The following ZNF723 variants were observed in gnomAD, a reference collection of about 807,000 sequenced individuals.
ZNF723 encodes the protein zinc finger protein 723.
In ZNF723, 5 loss-of-function variants were observed where a neutral mutation model predicts 9.4. That is an observed-to-expected ratio of 0.53 (90% CI 0.28 to 1.12). The LOEUF is 1.12. Ranked by LOEUF, ZNF723 falls within the 50% of genes most tolerant of loss-of-function variation. ZNF723 has a pLI of 0.10. For synonymous variants in ZNF723, 158 were observed against 168.8 expected (o/e 0.94, Z 0.49); for missense variants, 450 against 501.5 (o/e 0.90, Z 0.98).
chr19:22,830,191 A>G (rs2145200120), upstream of ZNF723, among the ~76,000 whole-genome samples: 1 of 152,258 alleles, frequency 6.6e-6, no homozygotes, highest in South Asian at 2.1e-4. Flanking sequence ...TTTTTGAGAC[A>G]GTGTCTCACT....
At chr19:22,820,593 C>T in the ZNF723 span, among the ~76,000 whole-genome samples, 2 of 152,018 alleles carry the variant, frequency 1.3e-5, no homozygotes, top group African/African-American at 4.8e-5. Context: ...TACCTCAAAC[C>T]ATCCAATAAG....
intron 1 of ZNF723, among the ~76,000 whole-genome samples, chr19:22,842,430 C>T (rs1967259783): frequency 6.6e-6 from 1 of 152,118 alleles, no homozygotes; most frequent in African/African-American, 2.4e-5. Flanking sequence ...TATATCCAAT[C>T]AATAATCAAT....
chr19:22,819,669 C>T, the ZNF723 span, among the ~76,000 whole-genome samples: 1 of 152,204 alleles, frequency 6.6e-6, no homozygotes, highest in Non-Finnish European at 1.5e-5. Flanking sequence ...GAAAGCATTG[C>T]AACATATCTC....
At chr19:22,845,890 T>TTTTTTTTTTTTC (rs1967301866) in intron 1 of ZNF723, among the ~76,000 whole-genome samples, 1 of 66,676 alleles carries the variant, frequency 1.5e-5, no homozygotes, top group African/African-American at 8.9e-5. Flanking sequence ...AAAATATGCC[T>TTTTTTTTTTTTC]TTTTTTTTTT....
chr19:22,832,456 G>A, intron 1 of ZNF723, 74 bp downstream of exon 1: 1 of 1,299,418 alleles, frequency 7.7e-7, no homozygotes, highest in Non-Finnish European at 1.1e-6. Context: ...GCTGTGGCGG[G>A]ACTCAGGCCT....
intron 1 of ZNF723, among the ~76,000 whole-genome samples, chr19:22,833,926 C>CTTTT (rs34792208): frequency 1.1e-4 from 10 of 89,312 alleles, no homozygotes; most frequent in Non-Finnish European, 1.8e-4. Flanking sequence ...TTTTAGCGTA[C>CTTTT]TTTTTTTTTT....
At chr19:22,812,508 CA>C in the ZNF723 span, among the ~76,000 whole-genome samples, 1 of 152,192 alleles carries the variant, frequency 6.6e-6, no homozygotes, top group Admixed American at 6.5e-5. Context: ...TTGACTCTCA[CA>C]ACTGAGCTTA....
At chr19:22,837,329 G>A (rs1967180045) in intron 1 of ZNF723, among the ~76,000 whole-genome samples, 1 of 151,014 alleles carries the variant, frequency 6.6e-6, no homozygotes, top group Non-Finnish European at 1.5e-5. Context: ...AGAAAGAAAG[G>A]AAGAAATGTA....
chr19:22,825,712 G>A, the ZNF723 span, among the ~76,000 whole-genome samples: 1 of 152,184 alleles, frequency 6.6e-6, no homozygotes, highest in African/African-American at 2.4e-5. Flanking sequence ...ATTAGGGATG[G>A]TGACATATCA....
At chr19:22,824,235 C>T in the ZNF723 span, among the ~76,000 whole-genome samples, 4 of 152,096 alleles carry the variant, frequency 2.6e-5, no homozygotes, top group Admixed American at 6.5e-5. Flanking sequence ...TATTACTGGG[C>T]CCATCTTCTA....
chr19:22,827,937 G>A (rs1050140202), upstream of ZNF723, among the ~76,000 whole-genome samples: 1 of 152,046 alleles, frequency 6.6e-6, no homozygotes, highest in Non-Finnish European at 1.5e-5. Context: ...AAAATTAGCT[G>A]GGTGTGGTGG....
chr19:22,857,258 T>C lies in ZNF723; in HGVS notation c.367T>C (p.Cys123Arg). 2 of 831,184 alleles carry C rather than the reference T, an allele frequency of 2.4e-6. No individual in the cohort carries two copies. Among genetic ancestry groups the C allele is most frequent in the Non-Finnish European group, 2.1e-6 (1 of 472,646 alleles). The allele number at this position is 831,184 out of a possible 1,614,324, so 51.5% of individuals were successfully genotyped here. A position where few individuals can be genotyped will look rare whatever the true frequency, so the allele number is the denominator to read the frequency against. The change falls in exon 4 of 4, where the codon TGT becomes CGT. Residue 123 changes from cysteine (C) to arginine (R), a missense_variant. By Grantham distance (180) the Cys-to-Arg change is radical. Transcript: ENST00000600766. ...AAAAGGCTGTGAAAGTGTGGATGAGTGTAAGATGCACAAAGGAGGTTATGA... is the reference window on the plus strand; with the variant it reads ...AAAAGGCTGTGAAAGTGTGGATGAGCGTAAGATGCACAAAGGAGGTTATGA... ...LRKGCESVDE[C>R]KMHKGGYDEL... is the part of the protein sequence containing the mutation.
At chr19:22,828,872 C>A (rs1004489866), upstream of ZNF723, among the ~76,000 whole-genome samples, 3 of 152,068 alleles carry the variant, frequency 2.0e-5, no homozygotes, top group Non-Finnish European at 4.4e-5. Context: ...CCTTCTAATC[C>A]TTTAAAAAAT....
upstream of ZNF723, among the ~76,000 whole-genome samples, chr19:22,827,865 G>A (rs555286328): frequency 6.6e-6 from 1 of 152,076 alleles, no homozygotes; most frequent in South Asian, 2.1e-4. Context: ...ACCTGAGGTC[G>A]TGAGTTCGAG....
chr19:22,844,474 G>A (rs1044177882), intron 1 of ZNF723, among the ~76,000 whole-genome samples: 21 of 152,068 alleles, frequency 1.4e-4, no homozygotes, highest in Non-Finnish European at 2.5e-4. Context: ...GTACCAAATC[G>A]CAGTGTGTTA....
At chr19:22,848,423 G>A (rs909295005) in intron 2 of ZNF723, 36 bp downstream of exon 2, 2 of 1,276,272 alleles carry the variant, frequency 1.6e-6, no homozygotes, top group African/African-American at 1.5e-5. Context: ...CTCAGATACT[G>A]TAAATGTTTC....
At chr19:22,855,193 C>T (rs1967458439) in intron 3 of ZNF723, among the ~76,000 whole-genome samples, 1 of 150,500 alleles carries the variant, frequency 6.6e-6, no homozygotes, top group African/African-American at 2.4e-5. Flanking sequence ...CATATCTTTC[C>T]TAGAAAATAA....
intron 1 of ZNF723, among the ~76,000 whole-genome samples, chr19:22,844,942 C>A (rs1223624526): frequency 6.6e-6 from 1 of 152,054 alleles, no homozygotes; most frequent in Non-Finnish European, 1.5e-5. Flanking sequence ...ATGGTGAAAC[C>A]CCATCTCTAC....
upstream of ZNF723, among the ~76,000 whole-genome samples, chr19:22,829,962 C>T (rs1967077346): frequency 6.6e-6 from 1 of 152,120 alleles, no homozygotes; most frequent in Admixed American, 6.5e-5. Flanking sequence ...ATCTCTGAGC[C>T]TACTCTGGAT....
Sources: allele counts gnomAD v4.1 joint callset (sites outside exome capture counted in the v4.1 genomes callset), GRCh38; gene constraint gnomAD v4.1.1; transcripts MANE v1.5; gene names NCBI Gene and HGNC (gene_info 2026-07-23, HGNC 2026-07-21).